The following MRAP2 variants were observed in gnomAD, a reference collection of about 807,000 sequenced individuals.
MRAP2 encodes melanocortin 2 receptor accessory protein 2, also known as melanocortin-2 receptor accessory protein 2.
In MRAP2, 20 loss-of-function variants were observed where a neutral mutation model predicts 17.4. The observed-to-expected ratio is 1.15, with a 90% confidence interval of 0.81 to 1.67. MRAP2 has a LOEUF of 1.67. Among genes scored for constraint, MRAP2 ranks in the 40% most tolerant of loss-of-function variants. The pLI, the probability that MRAP2 is intolerant of heterozygous loss-of-function variation, is 0.00. For synonymous variants in MRAP2, 96 were observed against 88.4 expected (o/e 1.09, Z -0.48); for missense variants, 238 against 240.0 (o/e 0.99, Z 0.05).
At chr6:84,075,361 T>C (rs984597458) in intron 3 of MRAP2, among the ~76,000 whole-genome samples, 1 of 152,214 alleles carries the variant, frequency 6.6e-6, no homozygotes, top group African/African-American at 2.4e-5. Flanking sequence ...AAGACTGTTA[T>C]AAAGCTGACA....
At chr6:84,054,936 A>G (rs1406853444) in intron 1 of MRAP2, among the ~76,000 whole-genome samples, 2 of 152,214 alleles carry the variant, frequency 1.3e-5, no homozygotes, top group East Asian at 3.8e-4. Flanking sequence ...CAGGCTCTTT[A>G]CATACTCTTG....
the MRAP2 span, chr6:84,124,866 C>T: frequency 1.8e-6 from 1 of 565,856 alleles, no homozygotes; most frequent in Non-Finnish European, 3.0e-6. Context: ...TAAAATGAGA[C>T]TGGTTAATGA....
intron 3 of MRAP2, among the ~76,000 whole-genome samples, chr6:84,088,135 A>G (rs957679277): frequency 6.6e-6 from 1 of 152,214 alleles, no homozygotes; most frequent in African/African-American, 2.4e-5. Flanking sequence ...TGTTGAGCAC[A>G]AACTCCAGGG....
intron 3 of MRAP2, among the ~76,000 whole-genome samples, chr6:84,072,138 G>A (rs964310602): frequency 4.6e-5 from 7 of 152,148 alleles, no homozygotes; most frequent in Non-Finnish European, 8.8e-5. Flanking sequence ...TTTAGGGGGT[G>A]TTAAAGAGCC....
the MRAP2 span, among the ~76,000 whole-genome samples, chr6:84,135,217 C>T: frequency 1.3e-5 from 2 of 152,090 alleles, no homozygotes; most frequent in African/African-American, 4.8e-5. Flanking sequence ...TGAATCCATG[C>T]TCAACTAAGG....
At chr6:84,121,806 G>A in the MRAP2 span, among the ~76,000 whole-genome samples, 2 of 152,084 alleles carry the variant, frequency 1.3e-5, no homozygotes, top group South Asian at 4.2e-4. Context: ...CAAAAGTAAT[G>A]TTAAGAGGAA....
the MRAP2 span, among the ~76,000 whole-genome samples, chr6:84,136,387 G>A: frequency 6.6e-6 from 1 of 152,200 alleles, no homozygotes; most frequent in Non-Finnish European, 1.5e-5. Flanking sequence ...GGGCAGGCAG[G>A]TGATGAGACA....
chr6:84,078,928 A>G (rs1364925880), intron 3 of MRAP2, among the ~76,000 whole-genome samples: 1 of 152,230 alleles, frequency 6.6e-6, no homozygotes, highest in Non-Finnish European at 1.5e-5. Context: ...AACGGACTAC[A>G]ACAGAGGTGG....
At chr6:84,066,140 A>C (rs927350109) in intron 3 of MRAP2, among the ~76,000 whole-genome samples, 1 of 152,178 alleles carries the variant, frequency 6.6e-6, no homozygotes, top group Non-Finnish European at 1.5e-5. Context: ...TTAGCCTTAC[A>C]GTTGGCAATT....
At chr6:84,131,861 T>G in the MRAP2 span, among the ~76,000 whole-genome samples, 1 of 152,316 alleles carries the variant, frequency 6.6e-6, no homozygotes, top group South Asian at 2.1e-4. Flanking sequence ...AATATTGTTA[T>G]GTGTGAATTT....
intron 3 of MRAP2, among the ~76,000 whole-genome samples, chr6:84,075,723 A>G (rs2099497422): frequency 6.6e-6 from 1 of 152,178 alleles, no homozygotes; most frequent in African/African-American, 2.4e-5. Flanking sequence ...GCCTTTGTTA[A>G]GTACATCTCA....
At chr6:84,034,310 A>G (rs1164643130) in intron 1 of MRAP2, among the ~76,000 whole-genome samples, 1 of 151,716 alleles carries the variant, frequency 6.6e-6, no homozygotes, top group Non-Finnish European at 1.5e-5. Flanking sequence ...GGGCTGGGGA[A>G]ATGTGCTGGC....
Position 84,039,032 on chromosome 6 carries a change from A to T in MRAP2, c.-8+5149A>T, listed in dbSNP as rs143911861. ...GTGTTTATTGTTACATTTACTTTTG[A>T]CAAAGGAAGACTTAGAGGCAGAAGC... On this transcript the variant is annotated intron_variant, in intron 1 of 3. Coordinates refer to ENST00000257776, the MANE Select transcript of MRAP2 (RefSeq NM_138409.4). Among the ~76,000 whole-genome samples the T allele has an allele frequency of 2.6e-3, 396 of 152,356 alleles. 5 individuals carry two copies. Among genetic ancestry groups the T allele is most frequent in the African/African-American group, 9.0e-3 (374 of 41,594 alleles).
intron 1 of MRAP2, among the ~76,000 whole-genome samples, chr6:84,053,546 T>A (rs898388836): frequency 6.6e-6 from 1 of 152,192 alleles, no homozygotes; most frequent in Non-Finnish European, 1.5e-5. Flanking sequence ...ATTGCTTGAA[T>A]CAATCAATTA....
At chr6:84,065,891 A>G (rs2099494557) in intron 3 of MRAP2, among the ~76,000 whole-genome samples, 1 of 152,172 alleles carries the variant, frequency 6.6e-6, no homozygotes, top group African/African-American at 2.4e-5. Context: ...GGATTCTACC[A>G]GGACACTGCC....
chr6:84,034,378 TG>T (rs2099485397), intron 1 of MRAP2, among the ~76,000 whole-genome samples: 1 of 152,156 alleles, frequency 6.6e-6, no homozygotes, highest in African/African-American at 2.4e-5. Context: ...ATGCCTGGCT[TG>T]ACAGTTGCTC....
chr6:84,097,864 C>T, the MRAP2 span, among the ~76,000 whole-genome samples: 2 of 152,174 alleles, frequency 1.3e-5, 1 homozygote, highest in South Asian at 4.1e-4. Context: ...ATGTATTCCT[C>T]TTTCCTCTGT....
At chr6:84,086,547 G>T (rs2099500506) in intron 3 of MRAP2, among the ~76,000 whole-genome samples, 1 of 152,132 alleles carries the variant, frequency 6.6e-6, no homozygotes, top group African/African-American at 2.4e-5. Context: ...AAGGAAAGAA[G>T]AAACAAATAA....
At chr6:84,067,393 A>G (rs1292611010) in intron 3 of MRAP2, among the ~76,000 whole-genome samples, 1 of 152,186 alleles carries the variant, frequency 6.6e-6, no homozygotes, top group Non-Finnish European at 1.5e-5. Context: ...CTGGGTAGAT[A>G]CCTAGTAGTG....
Sources: gnomAD v4.1 joint callset for allele counts (sites outside exome capture counted in the v4.1 genomes callset) on GRCh38, gnomAD v4.1.1 for gene constraint, MANE v1.5 for transcripts, NCBI Gene and HGNC (gene_info 2026-07-23, HGNC 2026-07-21) for gene names.